Variants in PCDHA1 observed in about 807,000 individuals in gnomAD.
PCDHA1 encodes the protein protocadherin alpha 1, also known as protocadherin alpha-1.
Under a neutral mutation model 61.3 loss-of-function variants are expected in PCDHA1, and 42 were observed. The observed-to-expected ratio is 0.69, with a 90% CI of 0.54 to 0.89. The LOEUF (loss-of-function observed/expected upper bound fraction) is 0.89. Among genes scored for constraint, PCDHA1 ranks in the 40% least tolerant of loss-of-function variants. The pLI is 0.00. For synonymous variants in PCDHA1, 610 were observed against 553.8 expected, an observed-to-expected ratio of 1.10 and a Z score of -1.43; for missense variants, 1,256 against 1,235.3, an observed-to-expected ratio of 1.02 and a Z score of -0.25.
chr5:140,909,072 C>A (rs2074300655), intron 1 of PCDHA1, among the ~76,000 whole-genome samples: 1 of 152,162 alleles, frequency 6.6e-6, no homozygotes, highest in African/African-American at 2.4e-5. Flanking sequence ...CCAATAAGCC[C>A]AGTGTGTTTG....
intron 1 of PCDHA1, among the ~76,000 whole-genome samples, chr5:140,947,620 T>C (rs1554218262): frequency 6.6e-6 from 1 of 151,706 alleles, no homozygotes; most frequent in African/African-American, 2.4e-5. Flanking sequence ...CTTAACAATA[T>C]TGAGTCATCA....
rs371830340 is a variant in PCDHA1 at position 140,947,864 on chromosome 5, C to G, written c.2395-31085C>G. Reference sequence around the variant, plus strand: ...TTTATTTATTTTGTCATTATAATGGCTAGGACTTCCAGGACAATATAAACA... The same window carrying G: ...TTTATTTATTTTGTCATTATAATGGGTAGGACTTCCAGGACAATATAAACA... On this transcript the variant is annotated intron_variant, in intron 1 of 3. Coordinates refer to ENST00000504120, the MANE Select transcript of PCDHA1 (RefSeq NM_018900.4). Among the ~76,000 whole-genome samples the G allele has an allele frequency of 1.4e-4, 21 of 151,554 alleles. No homozygotes were observed. The East Asian group carries it at 2.3e-3, about 17-fold the overall frequency.
At chr5:141,005,574 T>C (rs567844252) in intron 3 of PCDHA1, among the ~76,000 whole-genome samples, 58 of 150,842 alleles carry the variant, frequency 3.8e-4, no homozygotes, top group Non-Finnish European at 7.5e-4. Flanking sequence ...TGGTGGCGCG[T>C]GCCTGTAGTC....
At chr5:140,957,398 TTTA>T (rs2095356378) in intron 1 of PCDHA1, among the ~76,000 whole-genome samples, 1 of 152,304 alleles carries the variant, frequency 6.6e-6, no homozygotes, top group South Asian at 2.1e-4. Context: ...ATTGTCCTAA[TTTA>T]TTATTATTGT....
At position 140,973,488 on chromosome 5, in the gene PCDHA1, G is replaced by A. The variant is rs186493160; in HGVS notation, c.2395-5461G>A. Reference sequence around the variant, plus strand: ...GTTTGCAAATTTCATATTGGTCACAGGACTCTTCTTCTGAGAAAAAGTTTA... The same window carrying A: ...GTTTGCAAATTTCATATTGGTCACAAGACTCTTCTTCTGAGAAAAAGTTTA... On this transcript the variant is annotated intron_variant, in intron 1 of 3. Coordinates refer to ENST00000504120, the MANE Select transcript of PCDHA1 (RefSeq NM_018900.4). Among the ~76,000 whole-genome samples, 7 of 152,228 alleles carry A rather than the reference G, an allele frequency of 4.6e-5. No homozygotes were observed. The East Asian group carries it at 1.3e-3, about 29-fold the overall frequency.
At chr5:141,008,431 C>T (rs1192058423) in intron 3 of PCDHA1, among the ~76,000 whole-genome samples, 1 of 152,140 alleles carries the variant, frequency 6.6e-6, no homozygotes, top group Non-Finnish European at 1.5e-5. Flanking sequence ...GATCACTTTG[C>T]CCAGACAGAC....
In PCDHA1 at chr5:140,846,520, G is replaced by A. The variant is rs1780530072; in HGVS notation, c.2394+57836G>A. Among the ~76,000 whole-genome samples, 3 of 147,948 alleles carry A rather than the reference G, an allele frequency of 2.0e-5. No homozygotes were observed. In the Admixed American group the frequency reaches 2.0e-4, roughly 10 times the overall value. ...CTCCCAAGTAGCTGGGATTACAGGT[G>A]CATGCCACCATGCCCTGCTAATTTT... On this transcript the variant is annotated intron_variant, in intron 1 of 3. Transcript: ENST00000504120.
chr5:140,839,326 C>T (rs1338005685), intron 1 of PCDHA1, among the ~76,000 whole-genome samples: 1 of 151,830 alleles, frequency 6.6e-6, no homozygotes, highest in Non-Finnish European at 1.5e-5. Context: ...TTGGGAAATA[C>T]CTGAAGTTGA....
chr5:140,865,389 A>T (rs1184678268), intron 1 of PCDHA1: 2 of 152,350 alleles, frequency 1.3e-5, no homozygotes, highest in Non-Finnish European at 2.9e-5. Flanking sequence ...GGGTAAAGTT[A>T]ATATAAATGC....
rs144630020 is a variant in PCDHA1, at chr5:140,849,710, C to T, written c.2394+61026C>T. 88 of 1,598,490 alleles carry T rather than the reference C, an allele frequency of 5.5e-5. 7 individuals carry two copies. Among genetic ancestry groups the T allele is most frequent in the Middle Eastern group, 1.7e-4 (1 of 5,908 alleles). ...TGGTGTCCACCTACAAGAATTACTA[C>T]TCGTTGGTGCTGGACAGAGCTCTGG... On this transcript the variant is annotated intron_variant, in intron 1 of 3. Transcript: ENST00000504120.
chr5:140,793,081 G>A (rs1249684981), intron 1 of PCDHA1, among the ~76,000 whole-genome samples: 1 of 152,200 alleles, frequency 6.6e-6, no homozygotes, highest in Non-Finnish European at 1.5e-5. Context: ...CTGGGCTGTA[G>A]GAAGTAATAT....
chr5:140,842,157 A>C, intron 1 of PCDHA1: 1 of 1,613,874 alleles, frequency 6.2e-7, no homozygotes, highest in Non-Finnish European at 8.5e-7. Flanking sequence ...GCAATTTCAT[A>C]TTCTTTTAAT....
intron 1 of PCDHA1, chr5:140,803,066 C>G: frequency 6.2e-7 from 1 of 1,613,952 alleles, no homozygotes; most frequent in Non-Finnish European, 8.5e-7. Flanking sequence ...TCCCGTTTCG[C>G]GTGGGGCTGT....
At chr5:140,854,315 C>A in intron 1 of PCDHA1, 1 of 280,416 alleles carries the variant, frequency 3.6e-6, no homozygotes, top group South Asian at 1.3e-4. Context: ...GATGATTGAT[C>A]AATGGCAAAC....
rs2150419460 is a variant in PCDHA1 at position 140,848,757 on chromosome 5, T to C, written c.2394+60073T>C. 2.5e-6 allele frequency: 4 copies of C among 1,593,378 alleles called. No individual in the cohort carries two copies. In the South Asian group the frequency reaches 4.4e-5, roughly 18 times the overall value. Reference sequence around the variant, plus strand: ...GCAGAATGGCATTTTGTTTGTGAATTCTCGGATCGACCGCGAGGAGCTGTG... The same window carrying C: ...GCAGAATGGCATTTTGTTTGTGAATCCTCGGATCGACCGCGAGGAGCTGTG... On this transcript the variant is annotated intron_variant, in intron 1 of 3. Transcript: ENST00000504120.
intron 1 of PCDHA1, chr5:140,801,513 C>G (rs566462269): frequency 1.4e-5 from 23 of 1,614,190 alleles, no homozygotes; most frequent in Middle Eastern, 1.7e-4. Flanking sequence ...CAGCATCCAC[C>G]TGGAGGTGAT....
intron 1 of PCDHA1, chr5:140,882,955 C>G (rs1554176243): frequency 6.2e-7 from 1 of 1,614,178 alleles, no homozygotes; most frequent in Admixed American, 1.7e-5. Context: ...TTCAGCTGCT[C>G]ATCACGATTC....
chr5:140,829,126 T>C (rs1770118219), intron 1 of PCDHA1: 2 of 1,612,444 alleles, frequency 1.2e-6, no homozygotes, highest in African/African-American at 1.3e-5. Flanking sequence ...ATAAAAATGA[T>C]AACGTCCCTG....
chr5:140,803,563 A>G, intron 1 of PCDHA1: 1 of 1,614,234 alleles, frequency 6.2e-7, no homozygotes, highest in Non-Finnish European at 8.5e-7. Flanking sequence ...GAGGAGAAAC[A>G]GGATGTGGAC....
Sources: gnomAD v4.1 joint callset for allele counts (sites outside exome capture counted in the v4.1 genomes callset) on GRCh38, gnomAD v4.1.1 for gene constraint, MANE v1.5 for transcripts, NCBI Gene and HGNC (gene_info 2026-07-23, HGNC 2026-07-21) for gene names.